The following MATK variants were observed in gnomAD, a reference collection of about 807,000 sequenced individuals.
MATK encodes the protein megakaryocyte-associated tyrosine-protein kinase.
Under a neutral mutation model 59.8 loss-of-function variants are expected in MATK, and 41 were observed. That is an observed-to-expected ratio of 0.69 (90% CI 0.53 to 0.89). MATK has a LOEUF of 0.89. Among genes scored for constraint, MATK ranks in the 40% least tolerant of loss-of-function variants. The pLI, the probability that MATK is intolerant of heterozygous loss-of-function variation, is 0.00. For missense variants in MATK, 593 were observed against 719.6 expected (o/e 0.82, Z 2.01); for synonymous variants, 308 against 306.1 (o/e 1.01, Z -0.06).
At chr19:3,786,895 AG>A (rs1278515976), upstream of MATK, among the ~76,000 whole-genome samples, 5 of 152,124 alleles carry the variant, frequency 3.3e-5, no homozygotes, top group South Asian at 2.1e-4. The surrounding 1 kb of genome is among the most constrained non-coding windows in gnomAD (Gnocchi z 4.1). Flanking sequence ...GGAGGGTAAA[AG>A]GGGGGCCTGG....
At position 3,781,024 on chromosome 19, in the gene MATK, T is replaced by C. The variant is rs530398520; in HGVS notation, c.742+583A>G. Among the ~76,000 whole-genome samples, 33 of 152,252 alleles carry C rather than the reference T, an allele frequency of 2.2e-4. 1 individual carries two copies. The highest frequency in any genetic ancestry group is 7.7e-4 in the African/African-American group (32 of 41,540). Reference sequence around the variant, plus strand: ...GATTCCAGGCATGAGCCACCGTGCCTGGCTGGTTTTTGCATGTTTAAATGG... The same window carrying C: ...GATTCCAGGCATGAGCCACCGTGCCCGGCTGGTTTTTGCATGTTTAAATGG... On this transcript the variant is annotated intron_variant, in intron 8 of 13. Coordinates refer to ENST00000310132, the MANE Select transcript of MATK (RefSeq NM_139355.3).
intron 1 of MATK, among the ~76,000 whole-genome samples, chr19:3,795,895 A>G (rs1411578047): frequency 6.6e-6 from 1 of 150,640 alleles, no homozygotes; most frequent in Non-Finnish European, 1.5e-5. Flanking sequence ...TTGAATAGCT[A>G]GGATTACAGG....
Position 3,800,947 on chromosome 19 carries a change from G to A in MATK, c.-58+585C>T, listed in dbSNP as rs142214480. Among the ~76,000 whole-genome samples, 1,394 of 152,094 alleles carry A rather than the reference G, an allele frequency of 9.2e-3. 22 individuals are homozygous for A. The highest frequency in any genetic ancestry group is 0.031 in the African/African-American group (1,285 of 41,472). ...GCAATCTCGGCTCACTACAACCTTG[G>A]TCTCCAGGTTCAAGCGATTCTCCTG... On this transcript the variant is annotated intron_variant, in intron 1 of 13. Coordinates refer to the MATK transcript ENST00000395045.
At position 3,801,574 on chromosome 19, in the gene MATK, C is replaced by T. The variant is rs11666442; in HGVS notation, c.-100G>A. ...CCGGCTCGCAGCTAGCATCCGCAAC[C>T]GAGGTCCCCGCGCTCCAGTTCTCTG... On this transcript the variant is annotated 5_prime_UTR_variant, in exon 1 of 14. Coordinates refer to the MATK transcript ENST00000395045. The T allele has an allele frequency of 6.5e-3, 985 of 152,560 alleles. 9 individuals carry two copies. Among genetic ancestry groups the T allele is most frequent in the Admixed American group, 0.015 (231 of 15,310 alleles). The allele number at this position is 152,560 out of a possible 1,614,324, so 9.5% of individuals were successfully genotyped here.
intron 3 of MATK, 156 bp downstream of exon 3, chr19:3,784,666 CAGA>C (rs1419707783): frequency 7.2e-6 from 5 of 697,578 alleles, no homozygotes; most frequent in Non-Finnish European, 1.0e-5. Context: ...CGGCCTGGGA[CAGA>C]AGGTCAGGAA....
intron 1 of MATK, among the ~76,000 whole-genome samples, chr19:3,791,438 G>A (rs1773048115): frequency 1.3e-5 from 2 of 151,770 alleles, no homozygotes; most frequent in African/African-American, 4.8e-5. Context: ...TGCCTCCCGG[G>A]TTTAAGTGAT....
intron 1 of MATK, among the ~76,000 whole-genome samples, chr19:3,800,090 C>A (rs1448799804): frequency 6.8e-6 from 1 of 146,800 alleles, no homozygotes; most frequent in Admixed American, 7.0e-5. Context: ...TGCAGTGAGC[C>A]GAGATTGTGC....
At position 3,784,036 on chromosome 19, in the gene MATK, G is replaced by T. The variant is rs375279809; in HGVS notation, c.363-3C>A. The T allele has an allele frequency of 1.1e-4, 183 of 1,602,214 alleles. No homozygotes were observed. Among genetic ancestry groups the T allele is most frequent in the Admixed American group, 6.9e-4 (41 of 59,176 alleles). Reference sequence around the variant, plus strand: ...CCGAGATCTTCCCGTGGAACCACCTGCGGCCACGGAAGGGGTGGGTCAGAC... The same window carrying T: ...CCGAGATCTTCCCGTGGAACCACCTTCGGCCACGGAAGGGGTGGGTCAGAC... On this transcript the variant is annotated splice_polypyrimidine_tract_variant and splice_region_variant and intron_variant, in intron 5 of 13. Coordinates refer to ENST00000310132, the MANE Select transcript of MATK (RefSeq NM_139355.3).
chr19:3,791,777 C>G (rs1208519620), intron 1 of MATK, among the ~76,000 whole-genome samples: 1 of 152,154 alleles, frequency 6.6e-6, no homozygotes, highest in African/African-American at 2.4e-5. Context: ...CTCCAAATTC[C>G]TAGAGATCAC....
chr19:3,796,822 GTAAT>G (rs2037599178), intron 1 of MATK, among the ~76,000 whole-genome samples: 1 of 152,170 alleles, frequency 6.6e-6, no homozygotes, highest in Non-Finnish European at 1.5e-5. Context: ...ACTCTCCTGG[GTAAT>G]TAGAGGTTTG....
At position 3,786,081 on chromosome 19, in the gene MATK, T is replaced by G. The variant is rs2037479383; in HGVS notation, c.-152+88A>C. 1 of 529,786 alleles carries G rather than the reference T, an allele frequency of 1.9e-6. No individual in the cohort carries two copies. Among genetic ancestry groups the G allele is most frequent in the African/African-American group, 2.1e-5 (1 of 48,414 alleles). 32.8% of individuals were successfully genotyped at this position (529,786 alleles called of 1,614,324 possible). On this transcript the variant is annotated intron_variant, in intron 1 of 13. Coordinates refer to ENST00000310132, the MANE Select transcript of MATK (RefSeq NM_139355.3). The surrounding 1 kb of genome is among the most constrained non-coding windows in gnomAD (Gnocchi z 4.1). ...CACACACCGGCCCTTCCTGCGCACG[T>G]CCCGGGCCCACCCCCGCCTAGAGCC...
At position 3,778,271 on chromosome 19, in the gene MATK, G is replaced by C. The variant is rs1297968991; in HGVS notation, c.1436C>G (p.Ala479Gly). The C allele has an allele frequency of 1.9e-6, 3 of 1,574,462 alleles. No homozygotes were observed. The highest frequency in any genetic ancestry group is 1.4e-5 in the African/African-American group (1 of 72,572). ...GGCACCTGCACTGCGTAGCTCCCGGGCCAGCTTCTCGGCCAGTTTGCGGAA... is the reference window on the plus strand; with the variant it reads ...GGCACCTGCACTGCGTAGCTCCCGGCCCAGCTTCTCGGCCAGTTTGCGGAA... ...PPFRKLAEKL[A>G]RELRSAGAPA... is the part of the protein sequence containing the mutation. The change falls in exon 14 of 14, where the codon GCC becomes GGC. Residue 479 changes from alanine (A) to glycine (G), a missense_variant. Transcript: ENST00000310132.
Position 3,794,423 on chromosome 19 carries a change from G to A in MATK, c.-57-5019C>T, listed in dbSNP as rs575868489. Among the ~76,000 whole-genome samples the A allele has an allele frequency of 7.2e-5, 11 of 152,274 alleles. No homozygotes were observed. The East Asian group carries it at 1.9e-3, about 27-fold the overall frequency. On this transcript the variant is annotated intron_variant, in intron 1 of 13. Transcript: ENST00000395045. ...AATCCCAGCACTTTGGGAGGCTGAGGTGGGAGGATTGCTTGAGCCCTGCCA... is the reference window on the plus strand; with the variant it reads ...AATCCCAGCACTTTGGGAGGCTGAGATGGGAGGATTGCTTGAGCCCTGCCA...
At chr19:3,781,733 T>C in intron 7 of MATK, 61 bp from the exon 8 acceptor site, 1 of 1,354,196 alleles carries the variant, frequency 7.4e-7, no homozygotes, top group South Asian at 1.2e-5. Flanking sequence ...CATTGGGGGT[T>C]CTACTTGGTG....
At position 3,779,787 on chromosome 19, in the gene MATK, C is replaced by A. The variant is rs2037373757; in HGVS notation, c.753G>T (p.Gln251His). 1 of 1,610,812 alleles carries A rather than the reference C, an allele frequency of 6.2e-7. No homozygotes were observed. The highest frequency in any genetic ancestry group is 2.2e-5 in the East Asian group (1 of 44,864). The change falls in exon 9 of 14, where the codon CAG becomes CAT. Residue 251 changes from glutamine (Q) to histidine (H), a missense_variant. Coordinates refer to ENST00000310132, the MANE Select transcript of MATK (RefSeq NM_139355.3). ...IGEGEFGAVLQGEYLGQKVAV... is the reference protein window; with the variant it reads ...IGEGEFGAVLHGEYLGQKVAV... ...CCACCTTTTGCCCCAGGTACTCACC[C>A]TGCAGGACAGCTGGGGGGTGGGGGT...
upstream of MATK, chr19:3,789,422 T>G (rs1286292831): frequency 3.1e-6 from 2 of 646,456 alleles, no homozygotes; most frequent in African/African-American, 1.8e-5. Context: ...TCAATGATAT[T>G]AGTGTCAGTC....
Position 3,779,174 on chromosome 19 carries a change from C to T in MATK, c.1015G>A (p.Gly339Ser). The T allele has an allele frequency of 1.3e-6, 2 of 1,592,172 alleles. No homozygotes were observed. The highest frequency in any genetic ancestry group is 1.7e-6 in the Non-Finnish European group (2 of 1,168,342). ...TTCTTGCTCTCCAGGTACTCCATGCCCTCGGCCACGTGCCTGGGGGTAGTA... is the reference window on the plus strand; with the variant it reads ...TTCTTGCTCTCCAGGTACTCCATGCTCTCGGCCACGTGCCTGGGGGTAGTA... ...LLQFSLHVAEGMEYLESKKLV... is the reference protein window; with the variant it reads ...LLQFSLHVAESMEYLESKKLV... Residue 339 changes from glycine (G) to serine (S), a missense_variant, in exon 12 of 14, where the codon GGC (glycine) becomes AGC (serine). Gly to Ser is a moderately conservative substitution (Grantham distance 56). Transcript: ENST00000310132.
chr19:3,783,416 G>A, intron 6 of MATK, 197 bp from the exon 7 acceptor site: 3 of 608,084 alleles, frequency 4.9e-6, no homozygotes, highest in Middle Eastern at 4.4e-4. Context: ...GGGGGGTCCT[G>A]GGGGGTCCCC....
In MATK at chr19:3,796,014, G is replaced by A. The variant is rs139512486; in HGVS notation, c.-58+5518C>T. The stretch of plus-strand genomic sequence containing the variant: ...TGACCTCAAGTGATCTGCTTGCCTC[G>A]GCCTCCCAAAGTGCTGGGATTACAC... On this transcript the variant is annotated intron_variant, in intron 1 of 13. Transcript: ENST00000395045. Among the ~76,000 whole-genome samples, 10 of 151,866 alleles carry A rather than the reference G, an allele frequency of 6.6e-5. No individual in the cohort carries two copies. The East Asian group carries it at 1.4e-3, about 21-fold the overall frequency.
Sources: allele counts gnomAD v4.1 joint callset (sites outside exome capture counted in the v4.1 genomes callset), GRCh38; gene constraint gnomAD v4.1.1; non-coding constraint Gnocchi (gnomAD v3.1); transcripts MANE v1.5; gene names NCBI Gene and HGNC (gene_info 2026-07-23, HGNC 2026-07-21).